Variants in PARN observed in about 807,000 individuals in gnomAD.
PARN encodes the protein poly(A)-specific ribonuclease PARN.
A neutral mutation model predicts 102.8 loss-of-function variants in PARN; 71 were observed. That is an observed-to-expected ratio of 0.69 (90% CI 0.57 to 0.84). PARN has a LOEUF of 0.84. Ranked by LOEUF, PARN falls within the 40% of genes least tolerant of loss-of-function variation. The probability of loss-of-function intolerance (pLI) is 0.00; values close to 1 mark genes in which losing one functional copy is unlikely to be tolerated. For synonymous variants in PARN, 261 were observed against 252.9 expected, an observed-to-expected ratio of 1.03 and a Z score of -0.30; for missense variants, 782 against 760.9, an observed-to-expected ratio of 1.03 and a Z score of -0.33.
rs571881050 is a variant in PARN at position 14,621,065 on chromosome 16, T to G, written c.328-3415A>C. On this transcript the variant is annotated intron_variant, in intron 5 of 23. Transcript: ENST00000437198. ...AAACACACAAACAAATAGAAGCACA[T>G]GCAAATCACTTCCATCGTGTCCAGG... Among the ~76,000 whole-genome samples the G allele has an allele frequency of 7.2e-5, 11 of 152,290 alleles. No homozygotes were observed. The South Asian group carries it at 2.3e-3, about 32-fold the overall frequency.
At chr16:14,588,795 T>A (rs1244766741) in intron 13 of PARN, among the ~76,000 whole-genome samples, 1 of 151,958 alleles carries the variant, frequency 6.6e-6, no homozygotes, top group African/African-American at 2.4e-5. Flanking sequence ...GACATGAGAA[T>A]CACTTGAACT....
chr16:14,471,389 C>G lies in PARN; in HGVS notation c.1670+11249G>C, dbSNP rs537982587. ...TGAATTATCAATAATTCATAATTCT[C>G]TATTTACATTTTTTAAGTATTCTAG... On this transcript the variant is annotated intron_variant, in intron 22 of 23. Coordinates refer to ENST00000437198, the MANE Select transcript of PARN (RefSeq NM_002582.4). Among the ~76,000 whole-genome samples, 13 of 152,268 alleles carry G rather than the reference C, an allele frequency of 8.5e-5. No homozygotes were observed. The South Asian group carries it at 2.7e-3, about 32-fold the overall frequency.
At chr16:14,544,604 C>T (rs1966865702) in intron 21 of PARN, among the ~76,000 whole-genome samples, 1 of 151,790 alleles carries the variant, frequency 6.6e-6, no homozygotes, top group African/African-American at 2.4e-5. Flanking sequence ...AAAGAATATA[C>T]CAGGCAAATA....
intron 21 of PARN, among the ~76,000 whole-genome samples, chr16:14,523,214 A>T (rs1460978589): frequency 6.7e-6 from 1 of 148,340 alleles, no homozygotes; most frequent in Middle Eastern, 3.2e-3. Flanking sequence ...TATAAAGAAA[A>T]ACTAACAAGT....
chr16:14,442,065 T>G (rs2151550893), intron 23 of PARN, among the ~76,000 whole-genome samples: 2 of 152,314 alleles, frequency 1.3e-5, no homozygotes, highest in African/African-American at 4.8e-5. Context: ...TAACCGGGAA[T>G]AGTCAATGTA....
chr16:14,512,268 G>A (rs1440347288), intron 21 of PARN, among the ~76,000 whole-genome samples: 1 of 152,154 alleles, frequency 6.6e-6, no homozygotes, highest in Non-Finnish European at 1.5e-5. Flanking sequence ...TTGGGAGGCT[G>A]AGGCAGGCAG....
intron 7 of PARN, among the ~76,000 whole-genome samples, chr16:14,609,497 G>C (rs1214384331): frequency 6.6e-6 from 1 of 152,126 alleles, no homozygotes; most frequent in Non-Finnish European, 1.5e-5. Context: ...CCTGAGCCCA[G>C]GAAGTTGAGG....
chr16:14,586,828 A>G (rs180740910), intron 13 of PARN, among the ~76,000 whole-genome samples: 1 of 152,318 alleles, frequency 6.6e-6, no homozygotes, highest in East Asian at 1.9e-4. Context: ...ACCTTTCCTG[A>G]GATCACCTTT....
chr16:14,611,128 C>T (rs1233170018), intron 6 of PARN, among the ~76,000 whole-genome samples: 2 of 152,178 alleles, frequency 1.3e-5, no homozygotes, highest in Non-Finnish European at 2.9e-5. Context: ...TCAGGAAAGT[C>T]AGGGAAAACC....
chr16:14,628,930 G>C (rs1972849477), intron 2 of PARN, among the ~76,000 whole-genome samples: 1 of 152,198 alleles, frequency 6.6e-6, no homozygotes, highest in South Asian at 2.1e-4. Flanking sequence ...AAGTGTCAGT[G>C]AAGTATTTCC....
intron 22 of PARN, among the ~76,000 whole-genome samples, chr16:14,451,877 A>C (rs1961472636): frequency 1.7e-5 from 2 of 115,906 alleles, no homozygotes; most frequent in African/African-American, 7.0e-5. Flanking sequence ...TACAAAAAAA[A>C]AAAAAAAAAA....
chr16:14,611,458 T>C (rs1172240232), intron 6 of PARN, among the ~76,000 whole-genome samples: 1 of 152,200 alleles, frequency 6.6e-6, no homozygotes, highest in Non-Finnish European at 1.5e-5. Context: ...TGATGACTAC[T>C]CTGAGAGTGA....
chr16:14,554,205 C>G (rs1488108013), intron 19 of PARN, 54 bp from the exon 20 acceptor site: 1 of 1,202,006 alleles, frequency 8.3e-7, no homozygotes. Flanking sequence ...ATCAAGTAAA[C>G]CAGTGACTCT....
chr16:14,474,000 T>TC (rs1962900598), intron 22 of PARN, among the ~76,000 whole-genome samples: 1 of 152,100 alleles, frequency 6.6e-6, no homozygotes, highest in Non-Finnish European at 1.5e-5. Flanking sequence ...GGCCAATGAT[T>TC]CTTTTTTTTC....
intron 21 of PARN, among the ~76,000 whole-genome samples, chr16:14,511,594 T>G (rs1006507918): frequency 2.0e-5 from 3 of 152,128 alleles, no homozygotes; most frequent in Non-Finnish European, 4.4e-5. Flanking sequence ...GACTGAGACA[T>G]ACGGTTCTTC....
At chr16:14,505,212 T>C (rs1964826369) in intron 21 of PARN, among the ~76,000 whole-genome samples, 1 of 152,216 alleles carries the variant, frequency 6.6e-6, no homozygotes, top group African/African-American at 2.4e-5. Context: ...TCCTAATAAA[T>C]TAAATGTTAA....
At chr16:14,555,580 A>G in intron 19 of PARN, 74 bp downstream of exon 19, 1 of 645,928 alleles carries the variant, frequency 1.5e-6, no homozygotes, top group South Asian at 2.7e-5. Flanking sequence ...TTCTTTAGTA[A>G]TATTTTCCTG....
intron 23 of PARN, among the ~76,000 whole-genome samples, chr16:14,444,272 T>A (rs1250696361): frequency 6.6e-6 from 1 of 151,648 alleles, no homozygotes; most frequent in African/African-American, 2.4e-5. Flanking sequence ...TCAAGTTCTC[T>A]GATTCAATTA....
At chr16:14,527,689 C>T (rs1210254163) in intron 21 of PARN, among the ~76,000 whole-genome samples, 1 of 152,176 alleles carries the variant, frequency 6.6e-6, no homozygotes, top group Non-Finnish European at 1.5e-5. Context: ...CACTTTAACT[C>T]ATGTGTGAAC....
Sources: gnomAD v4.1 joint callset for allele counts (sites outside exome capture counted in the v4.1 genomes callset) on GRCh38, gnomAD v4.1.1 for gene constraint, MANE v1.5 for transcripts, NCBI Gene and HGNC (gene_info 2026-07-23, HGNC 2026-07-21) for gene names.